SSBP3: variants seen among roughly 807,000 people sequenced by gnomAD.
SSBP3 encodes the protein single stranded DNA binding protein 3.
SSBP3 carries 5 observed loss-of-function variants against 69.6 expected under a neutral mutation model. That is an observed-to-expected ratio of 0.07 (90% confidence interval 0.04 to 0.15). The LOEUF (loss-of-function observed/expected upper bound fraction) is 0.15, where lower values mean the gene tolerates loss of function less well. Ranked by LOEUF, SSBP3 falls within the 10% of genes least tolerant of loss-of-function variation. SSBP3 has a pLI of 1.00. For synonymous variants in SSBP3, 196 were observed against 193.4 expected, an observed-to-expected ratio of 1.01 and a Z score of -0.11; for missense variants, 312 against 534.0, an observed-to-expected ratio of 0.58 and a Z score of 4.10.
exon 8 of SSBP3, chr1:54,251,806 T>C: frequency 6.2e-7 from 1 of 1,611,764 alleles, no homozygotes; most frequent in Non-Finnish European, 8.5e-7. Flanking sequence ...TGTTGTCGTG[T>C]GGGATCCATA....
chr1:54,227,450 C>T (rs1263643421), intron 17 of SSBP3, among the ~76,000 whole-genome samples: 1 of 152,194 alleles, frequency 6.6e-6, no homozygotes, highest in East Asian at 1.9e-4. Context: ...CTGAGTCATC[C>T]TCTCCTCTCC....
chr1:54,313,100 T>C (rs1646033789), intron 4 of SSBP3, among the ~76,000 whole-genome samples: 1 of 150,386 alleles, frequency 6.6e-6, no homozygotes, highest in Non-Finnish European at 1.5e-5. Context: ...GTGCTAGGGT[T>C]AGGGCGGTGG....
At chr1:54,311,759 G>A (rs1484653083) in intron 4 of SSBP3, among the ~76,000 whole-genome samples, 1 of 152,114 alleles carries the variant, frequency 6.6e-6, no homozygotes, top group Non-Finnish European at 1.5e-5. Flanking sequence ...TTTTTGGCTG[G>A]AGAATGAGCC....
chr1:54,350,827 C>T (rs1646770241), intron 4 of SSBP3, among the ~76,000 whole-genome samples: 1 of 152,072 alleles, frequency 6.6e-6, no homozygotes, highest in African/African-American at 2.4e-5. Context: ...ATAGAACCCG[C>T]ACAGCTTCTC....
intron 4 of SSBP3, among the ~76,000 whole-genome samples, chr1:54,316,772 T>C (rs1209497088): frequency 2.0e-5 from 3 of 151,888 alleles, no homozygotes; most frequent in Non-Finnish European, 4.4e-5. Context: ...GAAAATACCT[T>C]CGCGTGGGTA....
intron 4 of SSBP3, among the ~76,000 whole-genome samples, chr1:54,394,210 T>C (rs1194197720): frequency 1.3e-5 from 2 of 152,128 alleles, no homozygotes; most frequent in Non-Finnish European, 2.9e-5. Flanking sequence ...CAGGTTTGAG[T>C]TCTACTGGAA....
intron 4 of SSBP3, among the ~76,000 whole-genome samples, chr1:54,400,265 T>A (rs1172471168): frequency 6.6e-6 from 1 of 152,152 alleles, no homozygotes; most frequent in Non-Finnish European, 1.5e-5. Flanking sequence ...ATATGCTACA[T>A]CAAGAGAGTG....
At chr1:54,246,232 C>T (rs1372123671) in intron 9 of SSBP3, among the ~76,000 whole-genome samples, 1 of 152,200 alleles carries the variant, frequency 6.6e-6, no homozygotes, top group African/African-American at 2.4e-5. Flanking sequence ...CACCAAAGCC[C>T]TTAATGCTAC....
chr1:54,340,412 G>C (rs1282357249), intron 4 of SSBP3, among the ~76,000 whole-genome samples: 4 of 152,206 alleles, frequency 2.6e-5, no homozygotes, highest in Admixed American at 6.5e-5. Flanking sequence ...CTGCTCTCCA[G>C]AGATGTGAGC....
chr1:54,271,720 C>A (rs982365522), intron 5 of SSBP3, among the ~76,000 whole-genome samples: 1 of 152,198 alleles, frequency 6.6e-6, no homozygotes, highest in Non-Finnish European at 1.5e-5. Context: ...CTCTTTCCCA[C>A]CATTTGGTCT....
At chr1:54,281,977 T>C (rs935581707) in intron 4 of SSBP3, among the ~76,000 whole-genome samples, 18 of 151,882 alleles carry the variant, frequency 1.2e-4, no homozygotes, top group African/African-American at 2.7e-4. Flanking sequence ...ACGCCTGTAG[T>C]TCCACTTACT....
chr1:54,248,183 G>C (rs888850061), intron 9 of SSBP3, among the ~76,000 whole-genome samples: 2 of 152,220 alleles, frequency 1.3e-5, no homozygotes, highest in African/African-American at 4.8e-5. Flanking sequence ...TGAATCACAT[G>C]CCGATGGTCT....
chr1:54,295,142 T>C (rs886185553), intron 4 of SSBP3, among the ~76,000 whole-genome samples: 3 of 152,040 alleles, frequency 2.0e-5, no homozygotes, highest in African/African-American at 7.2e-5. Context: ...GAAATGAAAC[T>C]TGAGAGGGGC....
At chr1:54,397,878 T>A (rs765497413) in intron 4 of SSBP3, among the ~76,000 whole-genome samples, 13 of 152,188 alleles carry the variant, frequency 8.5e-5, no homozygotes, top group South Asian at 6.2e-4. Flanking sequence ...ACAAACCCCC[T>A]TCCCAGAGTT....
intron 14 of SSBP3, among the ~76,000 whole-genome samples, chr1:54,230,625 C>T (rs375863993): frequency 1.1e-4 from 17 of 152,232 alleles, no homozygotes; most frequent in Middle Eastern, 3.4e-3. Context: ...CAATTTTGAA[C>T]GTTTCCATAA....
chr1:54,246,883 CGGGT>C (rs1644743237), intron 9 of SSBP3, among the ~76,000 whole-genome samples: 1 of 152,260 alleles, frequency 6.6e-6, no homozygotes, highest in Non-Finnish European at 1.5e-5. Context: ...TCAGTAGAAA[CGGGT>C]TCCCTCTTTG....
intron 14 of SSBP3, among the ~76,000 whole-genome samples, chr1:54,234,859 G>A (rs185816878): frequency 3.2e-4 from 49 of 151,966 alleles, no homozygotes; most frequent in African/African-American, 1.2e-3. Context: ...AAATTCCTAA[G>A]CTCAAACAAT....
intron 9 of SSBP3, among the ~76,000 whole-genome samples, chr1:54,250,164 A>G (rs1445966361): frequency 1.3e-5 from 2 of 152,178 alleles, no homozygotes; most frequent in Non-Finnish European, 2.9e-5. Flanking sequence ...GGAAGGGGCC[A>G]CTCTGGCAGC....
At chr1:54,241,897 T>C (rs981672098) in intron 11 of SSBP3, among the ~76,000 whole-genome samples, 1 of 152,216 alleles carries the variant, frequency 6.6e-6, no homozygotes, top group African/African-American at 2.4e-5. Flanking sequence ...AGGTCTCCAC[T>C]CTGAACAGTG....
Sources: allele counts gnomAD v4.1 joint callset (sites outside exome capture counted in the v4.1 genomes callset), GRCh38; gene constraint gnomAD v4.1.1; transcripts MANE v1.5; gene names NCBI Gene and HGNC (gene_info 2026-07-23, HGNC 2026-07-21).